The following TRIM66 variants were observed in gnomAD, a reference collection of about 807,000 sequenced individuals.
The protein encoded by TRIM66 is tripartite motif containing 66.
Under a neutral mutation model 148.2 loss-of-function variants are expected in TRIM66, and 99 were observed. The ratio of observed to expected loss-of-function variants is 0.67; its 90% CI spans 0.57 to 0.79. The LOEUF is 0.79. TRIM66 is among the 30% of genes least tolerant of loss of function. TRIM66 has a pLI of 0.00. For synonymous variants in TRIM66, 616 were observed against 635.9 expected, an observed-to-expected ratio of 0.97 and a Z score of 0.47; for missense variants, 1,666 against 1,697.9, an observed-to-expected ratio of 0.98 and a Z score of 0.33.
At chr11:8,675,785 CT>C (rs2039150707) in intron 3 of TRIM66, among the ~76,000 whole-genome samples, 1 of 152,018 alleles carries the variant, frequency 6.6e-6, no homozygotes, top group Non-Finnish European at 1.5e-5. Flanking sequence ...TGTCGTCAGG[CT>C]GGAGTGCAGT....
At position 8,617,909 on chromosome 11, in the gene TRIM66, A is replaced by T. The variant is rs548705102; in HGVS notation, c.*35T>A. The T allele has an allele frequency of 1.9e-6, 3 of 1,549,346 alleles. No homozygotes were observed. In the South Asian group the frequency reaches 3.6e-5, roughly 18 times the overall value. On this transcript the variant is annotated 3_prime_UTR_variant, in exon 25 of 25. Transcript: ENST00000646038. The stretch of plus-strand genomic sequence containing the variant: ...GGAGGAATGGTCGACAGTATGGGAC[A>T]ACAGCTGCCAGAGTGCCCAGTCTCC...
rs187988658 is a variant in TRIM66, at chr11:8,621,633, G to T, written c.3255+12C>A. 1.3e-5 allele frequency: 20 copies of T among 1,512,674 alleles called. No homozygotes were observed. The East Asian group carries it at 4.7e-4, about 35-fold the overall frequency. 93.7% of individuals were successfully genotyped at this position (1,512,674 alleles called of 1,614,324 possible). The stretch of plus-strand genomic sequence containing the variant: ...GGCCAGGGTTTAAGGCCAAGGCAAA[G>T]CAAAGTGGTACCTTAATGGACATGC... On this transcript the variant is annotated intron_variant, in intron 19 of 24. Coordinates refer to ENST00000646038, the MANE Select transcript of TRIM66 (RefSeq NM_001388022.1).
At chr11:8,637,043 G>A (rs2035941166) in intron 15 of TRIM66, among the ~76,000 whole-genome samples, 1 of 152,156 alleles carries the variant, frequency 6.6e-6, no homozygotes, top group Middle Eastern at 3.4e-3. Flanking sequence ...CCCTTCACTA[G>A]CCCAACTTCT....
At chr11:8,621,560 C>T (rs900256125) in intron 19 of TRIM66, 85 bp downstream of exon 19, 26 of 1,441,678 alleles carry the variant, frequency 1.8e-5, no homozygotes, top group Admixed American at 1.1e-4. Flanking sequence ...AGGAAAGGTC[C>T]CAGAGTCAGA....
intron 6 of TRIM66, among the ~76,000 whole-genome samples, chr11:8,658,994 C>A (rs901560433): frequency 6.6e-6 from 1 of 151,836 alleles, no homozygotes; most frequent in African/African-American, 2.4e-5. Flanking sequence ...CCTGGGAGGT[C>A]TCCCTTGGCA....
At position 8,616,757 on chromosome 11, in the gene TRIM66, G is replaced by T. The variant is rs1441716666; in HGVS notation, c.*1187C>A. 6.6e-6 allele frequency: 1 copy of T among 152,168 alleles called. No homozygotes were observed. Among genetic ancestry groups the T allele is most frequent in the East Asian group, 1.9e-4 (1 of 5,190 alleles). 9.4% of individuals were successfully genotyped at this position (152,168 alleles called of 1,614,324 possible). On this transcript the variant is annotated 3_prime_UTR_variant, in exon 25 of 25. Transcript: ENST00000646038. ...GTCCACCTTAGACAAACTTCCCCCA[G>T]GAATGTCTAGATCTGGCCCCTGTTG...
chr11:8,648,567 A>C lies in TRIM66; in HGVS notation c.593-19T>G. The stretch of plus-strand genomic sequence containing the variant: ...TTCACTCCTGCCAGAGAAGACAGAG[A>C]AAGTGAGCTTCTCTTGCTCAGGTAG... On this transcript the variant is annotated intron_variant, in intron 8 of 24. Coordinates refer to ENST00000646038, the MANE Select transcript of TRIM66 (RefSeq NM_001388022.1). The C allele has an allele frequency of 1.3e-6, 2 of 1,551,396 alleles. No homozygotes were observed. The highest frequency in any genetic ancestry group is 1.7e-6 in the Non-Finnish European group (2 of 1,146,896).
chr11:8,624,319 G>A (rs751124093), intron 17 of TRIM66, 40 bp downstream of exon 17: 1 of 1,543,496 alleles, frequency 6.5e-7, no homozygotes, highest in Middle Eastern at 2.0e-4. Context: ...ATCTGCTCAA[G>A]TCTGTGGCCA....
At chr11:8,680,991 TAGTA>T (rs1211471352) in intron 1 of TRIM66, 9 of 152,140 alleles carry the variant, frequency 5.9e-5, no homozygotes, top group African/African-American at 2.2e-4. Flanking sequence ...TTAATGACAT[TAGTA>T]AGAGCAATTT....
intron 15 of TRIM66, among the ~76,000 whole-genome samples, chr11:8,626,728 C>A (rs571079349): frequency 6.6e-6 from 1 of 152,204 alleles, no homozygotes; most frequent in African/African-American, 2.4e-5. Flanking sequence ...CCCCGCAGTG[C>A]GCTACATTCT....
intron 15 of TRIM66, 33 bp from the exon 16 acceptor site, chr11:8,625,261 CT>C (rs1203077632): frequency 4.8e-6 from 7 of 1,462,372 alleles, no homozygotes; most frequent in Non-Finnish European, 6.3e-6. Flanking sequence ...TAGAGTCAGG[CT>C]GCTAGCTGGG....
chr11:8,680,990 TTAG>T (rs1288369540), intron 1 of TRIM66: 1 of 152,136 alleles, frequency 6.6e-6, no homozygotes, highest in African/African-American at 2.4e-5. Context: ...ATTAATGACA[TTAG>T]TAAGAGCAAT....
chr11:8,663,734 T>C (rs773515334), intron 6 of TRIM66, among the ~76,000 whole-genome samples: 1 of 152,096 alleles, frequency 6.6e-6, no homozygotes, highest in Non-Finnish European at 1.5e-5. Context: ...GGAATCAACC[T>C]AAGTGTCTAC....
At chr11:8,680,477 G>C (rs139705308) in intron 1 of TRIM66, among the ~76,000 whole-genome samples, 171 of 152,260 alleles carry the variant, frequency 1.1e-3, no homozygotes, top group African/African-American at 3.9e-3. Flanking sequence ...GGCTTAAACA[G>C]AGGAAGCACA....
In TRIM66 at chr11:8,641,020, G is replaced by A; in HGVS notation, c.1355C>T (p.Ser452Leu). Reference protein sequence around the residue: ...VAQQEALSHPSHKFQSPAVCS... With the variant: ...VAQQEALSHPLHKFQSPAVCS... ...CACTGCTGGAGACTGGAACTTGTGT[G>A]AGGGGTGGCTAAGAGCCTCTTGCTG... is the stretch of plus-strand genomic sequence containing the variant. The change falls in exon 14 of 25, where the codon TCA becomes TTA. Residue 452 changes from serine to leucine, a missense_variant. Around this residue, in one of 3 missense-constraint regions of TRIM66, gnomAD observed 1,431 missense variants for 1,412.4 expected, o/e 1.01. Coordinates refer to ENST00000646038, the MANE Select transcript of TRIM66 (RefSeq NM_001388022.1). 6.4e-7 allele frequency: 1 copy of A among 1,551,664 alleles called. No individual in the cohort carries two copies. Among genetic ancestry groups the A allele is most frequent in the South Asian group, 1.2e-5 (1 of 84,054 alleles).
In TRIM66 at chr11:8,616,035, T is replaced by C. The variant is rs79809900; in HGVS notation, c.*1909A>G. The C allele has an allele frequency of 6.1e-3, 933 of 152,202 alleles. 3 individuals are homozygous for C. The highest frequency in any genetic ancestry group is 0.022 in the South Asian group (105 of 4,816). The allele number at this position is 152,202 out of a possible 1,614,324, so 9.4% of individuals were successfully genotyped here. ...TGAACAGAGAAGGAGATTCAAAAAT[T>C]GAAAGGGAAATGACCAGACCCCAAA... On this transcript the variant is annotated 3_prime_UTR_variant, in exon 25 of 25. Transcript: ENST00000646038.
At position 8,649,873 on chromosome 11, in the gene TRIM66, G is replaced by A; in HGVS notation, c.459C>T (p.Cys153=). ...QPKMARNCSE[C]KEKRAAHILC... ...GGATATGTGCTGCCCTCTTCTCCTT[G>A]CACTCAGAGCAGTTCTGGAAGCAGA... The change falls in exon 8 of 25, where the codon TGC becomes TGT. Residue 153 remains cysteine (C), a synonymous_variant. Transcript: ENST00000646038. 2 of 1,551,432 alleles carry A rather than the reference G, an allele frequency of 1.3e-6. 1 individual carries two copies. The highest frequency in any genetic ancestry group is 2.4e-5 in the South Asian group (2 of 84,050).
At chr11:8,651,739 G>A (rs370998007) in intron 7 of TRIM66, 61 bp downstream of exon 7, 8 of 1,307,386 alleles carry the variant, frequency 6.1e-6, no homozygotes, top group Admixed American at 5.9e-5. Context: ...GAAGACTTAT[G>A]GACAGGGGCC....
At chr11:8,641,223 G>A in intron 13 of TRIM66, 71 bp from the exon 14 acceptor site, 5 of 1,356,008 alleles carry the variant, frequency 3.7e-6, no homozygotes, top group Non-Finnish European at 5.0e-6. Flanking sequence ...TCCTGCTCCT[G>A]GGACAAAAGA....
Sources: allele counts gnomAD v4.1 joint callset (sites outside exome capture counted in the v4.1 genomes callset), GRCh38; gene constraint gnomAD v4.1.1; regional missense constraint gnomAD v4.1.1; transcripts MANE v1.5; gene names NCBI Gene and HGNC (gene_info 2026-07-23, HGNC 2026-07-21).